Variants in FOXN3 observed in about 807,000 individuals in gnomAD.
FOXN3 encodes the protein forkhead box protein N3.
A neutral mutation model predicts 38.4 loss-of-function variants in FOXN3; 7 were observed. The observed-to-expected ratio is 0.18, with a 90% CI of 0.10 to 0.34. FOXN3 has a LOEUF of 0.34. FOXN3 is among the 10% of genes least tolerant of loss of function. The pLI is 1.00. For synonymous variants in FOXN3, 230 were observed against 242.2 expected (o/e 0.95, Z 0.47); for missense variants, 456 against 613.4 (o/e 0.74, Z 2.71).
intron 1 of FOXN3, among the ~76,000 whole-genome samples, chr14:89,500,722 T>C (rs556121068): frequency 1.1e-4 from 17 of 152,212 alleles, no homozygotes; most frequent in Non-Finnish European, 2.1e-4. Flanking sequence ...TACCCTGACC[T>C]GGCCCTGCCG....
chr14:89,507,577 C>T (rs926425419), intron 1 of FOXN3, among the ~76,000 whole-genome samples: 2 of 152,166 alleles, frequency 1.3e-5, no homozygotes, highest in Non-Finnish European at 2.9e-5. Context: ...AAGAGATCAA[C>T]CCTAACTTTA....
chr14:89,431,767 T>G (rs538970339), intron 1 of FOXN3, among the ~76,000 whole-genome samples: 2 of 152,244 alleles, frequency 1.3e-5, no homozygotes, highest in East Asian at 1.9e-4. Context: ...CAGGCTGGAG[T>G]GCAATGGCAC....
intron 1 of FOXN3, among the ~76,000 whole-genome samples, chr14:89,447,090 G>T (rs1892517371): frequency 6.6e-6 from 1 of 151,978 alleles, no homozygotes; most frequent in South Asian, 2.1e-4. Flanking sequence ...CAGCTACTGG[G>T]GAGGCTGAGG....
intron 4 of FOXN3, among the ~76,000 whole-genome samples, chr14:89,269,494 T>TC (rs1276121553): frequency 8.6e-5 from 13 of 151,392 alleles, no homozygotes; most frequent in Admixed American, 7.9e-4. Context: ...TGTTTTTTTT[T>TC]TTCCTTTTTC....
At chr14:89,360,723 A>ACTACCACCACCTCCAGCACTACCT (rs1889464176) in intron 2 of FOXN3, among the ~76,000 whole-genome samples, 1 of 131,714 alleles carries the variant, frequency 7.6e-6, no homozygotes. Flanking sequence ...CACTACCTCC[A>ACTACCACCACCTCCAGCACTACCT]CCACCACCAC....
At chr14:89,304,944 TAAAAAAAAAAA>T (rs200830937) in intron 3 of FOXN3, among the ~76,000 whole-genome samples, 1 of 133,610 alleles carries the variant, frequency 7.5e-6, no homozygotes, top group African/African-American at 2.8e-5. Context: ...TGTAGTTTCT[TAAAAAAAAAAA>T]AAAAAAAAGT....
At chr14:89,305,133 A>G (rs908311150) in intron 3 of FOXN3, among the ~76,000 whole-genome samples, 3 of 152,210 alleles carry the variant, frequency 2.0e-5, no homozygotes, top group Non-Finnish European at 4.4e-5. Context: ...CCTGGCCAGC[A>G]CCAGGACGGA....
chr14:89,567,721 ATTTT>A (rs58016745), intron 1 of FOXN3, among the ~76,000 whole-genome samples: 4 of 129,478 alleles, frequency 3.1e-5, no homozygotes, highest in Non-Finnish European at 3.3e-5. Context: ...AATCTCGTTG[ATTTT>A]TTTTTTTTTT....
intron 1 of FOXN3, among the ~76,000 whole-genome samples, chr14:89,493,061 G>C (rs1457127903): frequency 6.6e-6 from 1 of 152,160 alleles, no homozygotes; most frequent in Non-Finnish European, 1.5e-5. Context: ...TAAAAAAATA[G>C]TCTCATACAG....
At chr14:89,237,965 A>G (rs1426395562) in intron 4 of FOXN3, among the ~76,000 whole-genome samples, 1 of 152,216 alleles carries the variant, frequency 6.6e-6, no homozygotes, top group Non-Finnish European at 1.5e-5. Context: ...CACCAAAAAA[A>G]GTTGTTGGAT....
intron 4 of FOXN3, among the ~76,000 whole-genome samples, chr14:89,209,254 A>G (rs532222143): frequency 6.6e-6 from 1 of 152,358 alleles, no homozygotes; most frequent in South Asian, 2.1e-4. Flanking sequence ...CCAGGCAGCT[A>G]ATCTGTGCCT....
intron 1 of FOXN3, among the ~76,000 whole-genome samples, chr14:89,520,830 C>T (rs1057137824): frequency 2.0e-5 from 3 of 152,094 alleles, no homozygotes; most frequent in Non-Finnish European, 4.4e-5. Context: ...AGACTGATCC[C>T]AAGGTGACAC....
chr14:89,375,998 G>T (rs1452205028), intron 2 of FOXN3, among the ~76,000 whole-genome samples: 2 of 152,030 alleles, frequency 1.3e-5, no homozygotes. Context: ...GGCCAGGCTG[G>T]TCTCAAACTC....
intron 1 of FOXN3, among the ~76,000 whole-genome samples, chr14:89,478,261 T>TCA (rs933693717): frequency 6.6e-6 from 1 of 152,134 alleles, no homozygotes; most frequent in African/African-American, 2.4e-5. Context: ...TGAGGCCTCC[T>TCA]CAGAAGCAGA....
At chr14:89,422,747 G>A (rs913786518) in intron 1 of FOXN3, among the ~76,000 whole-genome samples, 1 of 152,166 alleles carries the variant, frequency 6.6e-6, no homozygotes, top group Admixed American at 6.5e-5. Context: ...CTGTTTACTT[G>A]ACAGATTCTG....
chr14:89,325,343 C>T (rs1299175039), intron 3 of FOXN3, among the ~76,000 whole-genome samples: 1 of 147,092 alleles, frequency 6.8e-6, no homozygotes, highest in African/African-American at 2.5e-5. Flanking sequence ...ACCACCACCA[C>T]CACCACCACC....
chr14:89,603,833 A>G (rs924897159), intron 1 of FOXN3, among the ~76,000 whole-genome samples: 1 of 152,226 alleles, frequency 6.6e-6, no homozygotes, highest in African/African-American at 2.4e-5. Context: ...TTAGCAAGAC[A>G]CAGGGGAAAG....
At chr14:89,511,739 T>C (rs1894097239) in intron 1 of FOXN3, among the ~76,000 whole-genome samples, 1 of 152,176 alleles carries the variant, frequency 6.6e-6, no homozygotes, top group Non-Finnish European at 1.5e-5. Context: ...GGGTAATTTA[T>C]AAAGAAAAGA....
chr14:89,416,129 G>GCGCGCGCGCACGCA (rs1891712235), intron 1 of FOXN3, among the ~76,000 whole-genome samples: 1 of 152,040 alleles, frequency 6.6e-6, no homozygotes, highest in Non-Finnish European at 1.5e-5. Context: ...CCCAGCACGC[G>GCGCGCGCGCACGCA]CGCGCGCGCA....
Sources: gnomAD v4.1 joint callset for allele counts (sites outside exome capture counted in the v4.1 genomes callset) on GRCh38, gnomAD v4.1.1 for gene constraint, MANE v1.5 for transcripts, NCBI Gene and HGNC (gene_info 2026-07-23, HGNC 2026-07-21) for gene names.